The following MAGI2 variants were observed in gnomAD, a reference collection of about 807,000 sequenced individuals.
MAGI2 encodes the protein membrane-associated guanylate kinase, WW and PDZ domain-containing protein 2.
In MAGI2, 35 loss-of-function variants were observed where a neutral mutation model predicts 133.3. That is an observed-to-expected ratio of 0.26 (90% CI 0.20 to 0.35). The LOEUF (loss-of-function observed/expected upper bound fraction) is 0.35. Ranked by LOEUF, MAGI2 falls within the 10% of genes least tolerant of loss-of-function variation. The pLI, the probability that MAGI2 is intolerant of heterozygous loss-of-function variation, is 1.00. For missense variants in MAGI2, 1,636 were observed against 1,863.4 expected, an observed-to-expected ratio of 0.88 and a Z score of 2.25; for synonymous variants, 729 against 710.6, an observed-to-expected ratio of 1.03 and a Z score of -0.41.
chr7:78,406,714 T>C (rs1353240044), intron 6 of MAGI2, among the ~76,000 whole-genome samples: 1 of 152,030 alleles, frequency 6.6e-6, no homozygotes, highest in Non-Finnish European at 1.5e-5. Flanking sequence ...GTTATTATTC[T>C]CTCAGGAGAG....
At chr7:78,227,391 T>C (rs12531018) in intron 10 of MAGI2, among the ~76,000 whole-genome samples, 23,523 of 152,228 alleles carry the variant, frequency 0.15, 2,432 homozygotes, top group Middle Eastern at 0.26. Flanking sequence ...CATCCCAGTA[T>C]GAACTTTCAC....
intron 2 of MAGI2, among the ~76,000 whole-genome samples, chr7:78,657,118 A>G (rs183131611): frequency 3.7e-4 from 56 of 152,332 alleles, no homozygotes; most frequent in Non-Finnish European, 7.1e-4. Flanking sequence ...GCAAGTTAAA[A>G]TAACAATGAG....
intron 2 of MAGI2, among the ~76,000 whole-genome samples, chr7:78,819,993 T>C (rs1414745905): frequency 6.6e-6 from 1 of 152,016 alleles, no homozygotes; most frequent in Non-Finnish European, 1.5e-5. Flanking sequence ...TTTAGTAGTT[T>C]TCAGCTAAGT....
At chr7:79,019,719 A>C (rs1809097200) in intron 1 of MAGI2, among the ~76,000 whole-genome samples, 1 of 151,824 alleles carries the variant, frequency 6.6e-6, no homozygotes, top group Admixed American at 6.6e-5. Context: ...TAATTTTTGT[A>C]TTTTGAGTAG....
intron 3 of MAGI2, among the ~76,000 whole-genome samples, chr7:78,555,785 A>C (rs1799772232): frequency 6.6e-6 from 1 of 152,210 alleles, no homozygotes; most frequent in Non-Finnish European, 1.5e-5. Flanking sequence ...TAGATTGAGC[A>C]TTTTAAAGTA....
chr7:78,934,856 A>G (rs546633208), intron 2 of MAGI2, among the ~76,000 whole-genome samples: 15 of 152,256 alleles, frequency 9.9e-5, no homozygotes, highest in South Asian at 8.3e-4. Context: ...TCCCTAAGTC[A>G]TCCACTAAAC....
intron 10 of MAGI2, among the ~76,000 whole-genome samples, chr7:78,225,104 A>T (rs771492603): frequency 1.2e-4 from 18 of 152,012 alleles, no homozygotes; most frequent in Non-Finnish European, 1.9e-4. Context: ...TTTCTTTGGG[A>T]TACTGCACAA....
chr7:78,609,940 A>C (rs569306544), intron 3 of MAGI2, among the ~76,000 whole-genome samples: 1 of 152,108 alleles, frequency 6.6e-6, no homozygotes, highest in African/African-American at 2.4e-5. Flanking sequence ...GTTTAATGTA[A>C]CTATTGTATC....
chr7:79,019,870 G>A (rs1176936701), intron 1 of MAGI2, among the ~76,000 whole-genome samples: 1 of 152,078 alleles, frequency 6.6e-6, no homozygotes, highest in East Asian at 1.9e-4. Flanking sequence ...CTTCATAGCA[G>A]CATGAGAAGA....
chr7:78,898,226 C>G (rs185518325), intron 2 of MAGI2, among the ~76,000 whole-genome samples: 1 of 146,106 alleles, frequency 6.8e-6, no homozygotes, highest in Non-Finnish European at 1.5e-5. Flanking sequence ...CTCTTATATA[C>G]ACTGTTTGCA....
At chr7:79,244,216 A>G (rs747597338) in intron 1 of MAGI2, among the ~76,000 whole-genome samples, 6 of 152,238 alleles carry the variant, frequency 3.9e-5, no homozygotes, top group Admixed American at 6.5e-5. Context: ...AGGAGCCTCC[A>G]CTGATCATCC....
At chr7:79,403,808 T>C (rs1845626020) in intron 1 of MAGI2, among the ~76,000 whole-genome samples, 1 of 152,132 alleles carries the variant, frequency 6.6e-6, no homozygotes, top group South Asian at 2.1e-4. Flanking sequence ...ATCTGATAAG[T>C]CAACATTAAA....
chr7:78,039,443 G>A (rs1272992668), intron 21 of MAGI2: 5 of 152,164 alleles, frequency 3.3e-5, no homozygotes, highest in Admixed American at 6.5e-5. Flanking sequence ...TGGAAAACCT[G>A]GAATTCTCTG....
intron 1 of MAGI2, among the ~76,000 whole-genome samples, chr7:79,428,294 A>T: frequency 6.6e-6 from 1 of 152,318 alleles, no homozygotes; most frequent in African/African-American, 2.4e-5. Context: ...ATTGCTTTAT[A>T]AATAATAAAT....
intron 1 of MAGI2, among the ~76,000 whole-genome samples, chr7:79,208,157 C>G (rs1829217937): frequency 2.0e-5 from 3 of 151,850 alleles, no homozygotes; most frequent in Non-Finnish European, 2.9e-5. Flanking sequence ...CCCCAAAACA[C>G]AGGCAACAAA....
chr7:78,413,169 T>C (rs1004396904), intron 6 of MAGI2, among the ~76,000 whole-genome samples: 1 of 152,092 alleles, frequency 6.6e-6, no homozygotes. Flanking sequence ...TATTAGATAG[T>C]CTTTTAAGGT....
chr7:78,849,094 A>G (rs2151477490), intron 2 of MAGI2, among the ~76,000 whole-genome samples: 2 of 152,214 alleles, frequency 1.3e-5, no homozygotes, highest in Admixed American at 1.3e-4. Flanking sequence ...TAGAAACTCT[A>G]TTCTAATTTA....
rs111624262 is a variant in MAGI2, at chr7:79,075,707, T to C, written c.302-68501A>G. Among the ~76,000 whole-genome samples the C allele has an allele frequency of 8.2e-3, 1,244 of 152,202 alleles. 23 individuals are homozygous for C. Among genetic ancestry groups the C allele is most frequent in the African/African-American group, 0.028 (1,181 of 41,532 alleles). ...TGAACCCAGGAAGTGGAGGTTGCAG[T>C]GAGCTGAGATCACGCCACTGCACTC... On this transcript the variant is annotated intron_variant, in intron 1 of 21. Coordinates refer to ENST00000354212, the MANE Select transcript of MAGI2 (RefSeq NM_012301.4).
chr7:79,044,651 T>A (rs182494483), intron 1 of MAGI2, among the ~76,000 whole-genome samples: 189 of 152,296 alleles, frequency 1.2e-3, no homozygotes, highest in African/African-American at 4.4e-3. Context: ...TGGCAGATTA[T>A]ATGATTATGA....
Sources: allele counts gnomAD v4.1 joint callset (sites outside exome capture counted in the v4.1 genomes callset), GRCh38; gene constraint gnomAD v4.1.1; transcripts MANE v1.5; gene names NCBI Gene and HGNC (gene_info 2026-07-23, HGNC 2026-07-21).